The following FKBP6 variants were observed in gnomAD, a reference collection of about 807,000 sequenced individuals.
The protein encoded by FKBP6 is inactive peptidyl-prolyl cis-trans isomerase FKBP6.
Under a neutral mutation model 41.7 loss-of-function variants are expected in FKBP6, and 29 were observed. The observed-to-expected ratio is 0.70, with a 90% CI of 0.52 to 0.95. FKBP6 has a LOEUF of 0.95. Among genes scored for constraint, FKBP6 ranks in the 40% least tolerant of loss-of-function variants. FKBP6 has a pLI of 0.00. For missense variants in FKBP6, 338 were observed against 408.7 expected (o/e 0.83, Z 1.49); for synonymous variants, 130 against 165.1 (o/e 0.79, Z 1.63).
chr7:73,330,184 G>A lies in FKBP6; in HGVS notation c.300G>A (p.Leu100=). 6.2e-7 allele frequency: 1 copy of A among 1,613,970 alleles called. No homozygotes were observed. The highest frequency in any genetic ancestry group is 8.5e-7 in the Non-Finnish European group (1 of 1,179,878). Residue 100 remains leucine (L), a synonymous_variant, in exon 4 of 9, where the codon CTG becomes CTA. Coordinates refer to ENST00000252037, the MANE Select transcript of FKBP6 (RefSeq NM_003602.5). ...ITLWGMELGL[L]SMRRGELARF... ...TGTGGGGCATGGAGCTGGGCCTTCT[G>A]AGCATGCGGAGAGGAGAGCTGGCCA...
chr7:73,357,100 C>T (rs1312514362), intron 8 of FKBP6, among the ~76,000 whole-genome samples: 3 of 151,866 alleles, frequency 2.0e-5, no homozygotes, highest in Admixed American at 2.0e-4. Context: ...ATGTCTTATT[C>T]AGAGCCTGAT....
At chr7:73,346,539 T>C (rs1012961694) in intron 8 of FKBP6, among the ~76,000 whole-genome samples, 1 of 152,070 alleles carries the variant, frequency 6.6e-6, no homozygotes, top group Admixed American at 6.5e-5. Context: ...TGTCCTTTCA[T>C]TTGGGGCCTC....
chr7:73,333,799 C>T (rs577466736), intron 5 of FKBP6, among the ~76,000 whole-genome samples: 6 of 152,274 alleles, frequency 3.9e-5, no homozygotes, highest in East Asian at 1.9e-4. Context: ...TGGCTGGGCA[C>T]GGTGGCTCAT....
At position 73,328,735 on chromosome 7, in the gene FKBP6, A is replaced by T. The variant is rs782129593; in HGVS notation, c.175+43A>T. 8 of 1,611,348 alleles carry T rather than the reference A, an allele frequency of 5.0e-6. No homozygotes were observed. In the East Asian group the frequency reaches 1.6e-4, roughly 31 times the overall value. On this transcript the variant is annotated intron_variant, in intron 2 of 8. Transcript: ENST00000252037. Reference sequence around the variant, plus strand: ...TTGTCCTCAGGATCCATGTCATCGCACTCTGTTGGGAAGAGAGAGGCCTCA... The same window carrying T: ...TTGTCCTCAGGATCCATGTCATCGCTCTCTGTTGGGAAGAGAGAGGCCTCA...
At chr7:73,332,121 C>T (rs916162278) in intron 5 of FKBP6, among the ~76,000 whole-genome samples, 3 of 152,080 alleles carry the variant, frequency 2.0e-5, no homozygotes, top group African/African-American at 7.2e-5. Context: ...ACCTCGGCCT[C>T]CCAAAGTGCT....
intron 8 of FKBP6, among the ~76,000 whole-genome samples, chr7:73,344,347 T>A (rs944718253): frequency 6.6e-5 from 10 of 152,224 alleles, no homozygotes; most frequent in African/African-American, 2.2e-4. Context: ...AGGCTGCTGA[T>A]CTTCAGATGC....
At chr7:73,340,152 C>T (rs530861668) in intron 5 of FKBP6, among the ~76,000 whole-genome samples, 13 of 152,272 alleles carry the variant, frequency 8.5e-5, no homozygotes, top group African/African-American at 2.4e-4. Flanking sequence ...TTGCTACTTA[C>T]TGTATTCTTT....
At chr7:73,352,415 T>C (rs1554551270) in intron 8 of FKBP6, among the ~76,000 whole-genome samples, 1 of 152,200 alleles carries the variant, frequency 6.6e-6, no homozygotes, top group Non-Finnish European at 1.5e-5. Context: ...CCAACCTGGA[T>C]AATTAAGTGT....
Position 73,330,255 on chromosome 7 carries a change from C to T in FKBP6, c.371C>T (p.Pro124Leu). The change falls in exon 4 of 9, where the codon CCT becomes CTT. Residue 124 changes from proline (P) to leucine (L), a missense_variant. Coordinates refer to ENST00000252037, the MANE Select transcript of FKBP6 (RefSeq NM_003602.5). Reference sequence around the variant, plus strand: ...TACGCCTATGGAACGCTGGGCTGCCCTCCCTTGATCCCCCCAAACACCACT... The same window carrying T: ...TACGCCTATGGAACGCTGGGCTGCCTTCCCTTGATCCCCCCAAACACCACT... ...PNYAYGTLGC[P>L]PLIPPNTTVL... 1 of 1,614,058 alleles carries T rather than the reference C, an allele frequency of 6.2e-7. No individual in the cohort carries two copies. The highest frequency in any genetic ancestry group is 1.3e-5 in the African/African-American group (1 of 75,028).
At chr7:73,353,628 A>G (rs1196025817) in intron 8 of FKBP6, among the ~76,000 whole-genome samples, 1 of 152,208 alleles carries the variant, frequency 6.6e-6, no homozygotes, top group Non-Finnish European at 1.5e-5. Flanking sequence ...TAGGTTTGCT[A>G]CAACCCCACA....
chr7:73,334,291 T>G (rs1342343098), intron 5 of FKBP6, among the ~76,000 whole-genome samples: 1 of 152,192 alleles, frequency 6.6e-6, no homozygotes, highest in Non-Finnish European at 1.5e-5. Flanking sequence ...TGGGAAACTT[T>G]CTTGAGTTAT....
At chr7:73,345,004 C>T (rs1490427044) in intron 8 of FKBP6, among the ~76,000 whole-genome samples, 3 of 152,182 alleles carry the variant, frequency 2.0e-5, no homozygotes, top group South Asian at 4.1e-4. Context: ...AAGCCTCTGA[C>T]TATAGTAGAC....
chr7:73,328,254 C>T lies in FKBP6; in HGVS notation c.-175C>T, dbSNP rs1804695915. On this transcript the variant is annotated 5_prime_UTR_variant, in exon 1 of 9. Transcript: ENST00000252037. Reference sequence around the variant, plus strand: ...AGCTCGCGAGGGCCAGGGCCGTTGGCGGCGGTTGGAACGAAACGATGAGTG... The same window carrying T: ...AGCTCGCGAGGGCCAGGGCCGTTGGTGGCGGTTGGAACGAAACGATGAGTG... The T allele has an allele frequency of 6.5e-7, 1 of 1,549,106 alleles. No individual in the cohort carries two copies. Among genetic ancestry groups the T allele is most frequent in the Non-Finnish European group, 8.7e-7 (1 of 1,146,632 alleles).
intron 8 of FKBP6, among the ~76,000 whole-genome samples, chr7:73,350,179 G>A (rs957867185): frequency 1.3e-5 from 2 of 152,212 alleles, no homozygotes; most frequent in African/African-American, 4.8e-5. Flanking sequence ...AGAATCCCAT[G>A]TAGCCATGAA....
chr7:73,342,006 T>C (rs1805205482), intron 7 of FKBP6, among the ~76,000 whole-genome samples: 1 of 151,874 alleles, frequency 6.6e-6, no homozygotes, highest in South Asian at 2.1e-4. Context: ...CGCTCTTCCC[T>C]GCGTGCTCCA....
In FKBP6 at chr7:73,335,538, G is replaced by A. The variant is rs117260553; in HGVS notation, c.588+3762G>A. Among the ~76,000 whole-genome samples the A allele has an allele frequency of 6.0e-3, 919 of 152,296 alleles. 7 individuals are homozygous for A. The highest frequency in any genetic ancestry group is 8.8e-3 in the Non-Finnish European group (598 of 68,022). On this transcript the variant is annotated intron_variant, in intron 5 of 8. Transcript: ENST00000252037. ...GCTGTCTGCTCCAGCCTGCCCCCAAGTCAAGGGCCTCTTTGGTTCCATTTT... is the reference window on the plus strand; with the variant it reads ...GCTGTCTGCTCCAGCCTGCCCCCAAATCAAGGGCCTCTTTGGTTCCATTTT...
chr7:73,330,084 A>C, intron 3 of FKBP6, 66 bp from the exon 4 acceptor site: 1 of 1,218,152 alleles, frequency 8.2e-7, no homozygotes, highest in African/African-American at 1.5e-5. Flanking sequence ...TAGAGGGGGA[A>C]GAAACTGATA....
intron 4 of FKBP6, among the ~76,000 whole-genome samples, chr7:73,330,992 A>G (rs1554547586): frequency 6.6e-6 from 1 of 152,192 alleles, no homozygotes; most frequent in Non-Finnish European, 1.5e-5. Flanking sequence ...CAGGGTTTAT[A>G]TCTTCACATG....
chr7:73,339,263 C>T (rs1198698494), intron 5 of FKBP6: 2 of 152,184 alleles, frequency 1.3e-5, no homozygotes, highest in East Asian at 3.9e-4. Flanking sequence ...ATTTTTGCAT[C>T]TAGTGCAAGG....
Sources: allele counts gnomAD v4.1 joint callset (sites outside exome capture counted in the v4.1 genomes callset), GRCh38; gene constraint gnomAD v4.1.1; transcripts MANE v1.5; gene names NCBI Gene and HGNC (gene_info 2026-07-23, HGNC 2026-07-21).